PAPPA2: variants seen among roughly 807,000 people sequenced by gnomAD.
The protein encoded by PAPPA2 is pappalysin 2, also known as pappalysin-2.
A neutral mutation model predicts 176.4 loss-of-function variants in PAPPA2; 86 were observed. The observed-to-expected ratio is 0.49, with a 90% CI of 0.41 to 0.58. The LOEUF is 0.58. PAPPA2 is among the 20% of genes least tolerant of loss of function. The pLI, the probability that PAPPA2 is intolerant of heterozygous loss-of-function variation, is 0.00. For synonymous variants in PAPPA2, 809 were observed against 852.2 expected (o/e 0.95, Z 0.88); for missense variants, 2,073 against 2,256.9 (o/e 0.92, Z 1.65).
chr1:176,650,351 C>CT (rs201127455), intron 3 of PAPPA2, among the ~76,000 whole-genome samples: 55 of 145,456 alleles, frequency 3.8e-4, no homozygotes, highest in Middle Eastern at 3.6e-3. Flanking sequence ...CACTGTATGT[C>CT]TTTTTTTTTT....
chr1:176,721,117 C>T (rs1001469082), intron 12 of PAPPA2, among the ~76,000 whole-genome samples: 3 of 152,148 alleles, frequency 2.0e-5, no homozygotes, highest in Non-Finnish European at 4.4e-5. Flanking sequence ...AATGCTTTAC[C>T]AGCCATCAAG....
chr1:176,711,870 C>T lies in PAPPA2; in HGVS notation c.3687C>T (p.His1229=), dbSNP rs764064118. The T allele has an allele frequency of 3.1e-6, 5 of 1,612,530 alleles. No homozygotes were observed. The highest frequency in any genetic ancestry group is 2.7e-5 in the African/African-American group (2 of 75,004). ...CTSYHPDLPN[H]RPLTGWFPCV... ...CATACCATCCAGATTTACCCAACCA[C>T]CGTCCCCTAACTGGCTGGTTTCCCT... is the stretch of plus-strand genomic sequence containing the variant. Residue 1229 remains histidine, a synonymous_variant, in exon 12 of 23, where the codon CAC becomes CAT. Coordinates refer to ENST00000367662, the MANE Select transcript of PAPPA2 (RefSeq NM_020318.3).
intron 1 of PAPPA2, among the ~76,000 whole-genome samples, chr1:176,519,071 T>C (rs978746809): frequency 4.6e-5 from 7 of 152,146 alleles, no homozygotes; most frequent in Non-Finnish European, 8.8e-5. Context: ...ATGAGGAAGA[T>C]GGTAAAAGTC....
At chr1:176,764,285 C>G (rs138964548) in intron 14 of PAPPA2, among the ~76,000 whole-genome samples, 2 of 152,262 alleles carry the variant, frequency 1.3e-5, no homozygotes, top group African/African-American at 4.8e-5. Context: ...GAAATCTCAA[C>G]AAATTGAGCA....
chr1:176,689,751 T>A (rs1660015424), intron 4 of PAPPA2, among the ~76,000 whole-genome samples: 1 of 152,174 alleles, frequency 6.6e-6, no homozygotes, highest in South Asian at 2.1e-4. Flanking sequence ...TTTTTAAAAA[T>A]GTCGTTTTGT....
In PAPPA2 at chr1:176,517,419, T is replaced by A. The variant is rs1159622641; in HGVS notation, c.-916-37988T>A. Among the ~76,000 whole-genome samples the A allele has an allele frequency of 2.0e-5, 3 of 152,222 alleles. No individual in the cohort carries two copies. In the East Asian group the frequency reaches 5.8e-4, roughly 29 times the overall value. On this transcript the variant is annotated intron_variant, in intron 1 of 22. Transcript: ENST00000367662. ...GGCCATTACCTCAGCAACGTCAATG[T>A]CTTTTAATAAATGAATATATACATT...
chr1:176,651,453 C>G (rs1032805238), intron 3 of PAPPA2, among the ~76,000 whole-genome samples: 5 of 151,544 alleles, frequency 3.3e-5, no homozygotes, highest in African/African-American at 4.8e-5. Flanking sequence ...ATGTCCCACT[C>G]CTTCCTGATC....
intron 11 of PAPPA2, 77 bp downstream of exon 11, chr1:176,710,253 C>T: frequency 7.8e-7 from 1 of 1,277,884 alleles, no homozygotes. Flanking sequence ...CACTTGGGGT[C>T]TATGTTTGGA....
At chr1:176,638,614 T>C (rs1482871983) in intron 3 of PAPPA2, among the ~76,000 whole-genome samples, 1 of 152,010 alleles carries the variant, frequency 6.6e-6, no homozygotes, top group African/African-American at 2.4e-5. Flanking sequence ...TGAACCCTCC[T>C]TCATGGCGCA....
intron 3 of PAPPA2, among the ~76,000 whole-genome samples, chr1:176,641,675 T>G (rs2102728387): frequency 6.6e-6 from 1 of 152,044 alleles, no homozygotes; most frequent in Admixed American, 6.6e-5. Context: ...GGTCTCAGGA[T>G]TTTTAATAAT....
chr1:176,564,592 A>G (rs547346180), intron 2 of PAPPA2, among the ~76,000 whole-genome samples: 1 of 152,318 alleles, frequency 6.6e-6, no homozygotes, highest in Admixed American at 6.5e-5. Flanking sequence ...CTGTGGCACT[A>G]TCAGTGGTGG....
intron 1 of PAPPA2, among the ~76,000 whole-genome samples, chr1:176,546,888 G>A (rs984338186): frequency 6.6e-6 from 1 of 152,096 alleles, no homozygotes; most frequent in Admixed American, 6.5e-5. Flanking sequence ...TCAAATTTTA[G>A]TATTTATTTT....
chr1:176,467,060 G>T (rs1014621943), intron 1 of PAPPA2, among the ~76,000 whole-genome samples: 5 of 152,070 alleles, frequency 3.3e-5, no homozygotes, highest in African/African-American at 7.2e-5. Flanking sequence ...ACATCACAGG[G>T]TGCAGTTACA....
At chr1:176,760,304 T>C (rs1390693622) in intron 14 of PAPPA2, among the ~76,000 whole-genome samples, 2 of 152,250 alleles carry the variant, frequency 1.3e-5, no homozygotes, top group East Asian at 3.8e-4. Context: ...TTTTTGATAA[T>C]TTGAGTTTAA....
intron 1 of PAPPA2, among the ~76,000 whole-genome samples, chr1:176,541,161 T>C (rs1340364096): frequency 3.3e-5 from 5 of 152,216 alleles, no homozygotes; most frequent in South Asian, 2.1e-4. Flanking sequence ...TCTATACATC[T>C]GTGTATATAT....
chr1:176,529,912 T>TC (rs1412303863), intron 1 of PAPPA2, among the ~76,000 whole-genome samples: 2 of 152,158 alleles, frequency 1.3e-5, no homozygotes, highest in African/African-American at 2.4e-5. Context: ...AAAGAGTTTT[T>TC]CTCCTCTAAT....
chr1:176,569,351 C>T (rs771069655), intron 2 of PAPPA2, among the ~76,000 whole-genome samples: 4 of 152,324 alleles, frequency 2.6e-5, no homozygotes, highest in Non-Finnish European at 4.4e-5. Context: ...AACCACTCCC[C>T]GAAACCACAT....
intron 1 of PAPPA2, among the ~76,000 whole-genome samples, chr1:176,544,802 T>G (rs1270657198): frequency 1.3e-5 from 2 of 152,174 alleles, no homozygotes; most frequent in African/African-American, 4.8e-5. Flanking sequence ...TAAACCTCCC[T>G]CTTTAGGTTC....
chr1:176,788,985 C>T (rs1411244957), intron 17 of PAPPA2, among the ~76,000 whole-genome samples: 2 of 152,176 alleles, frequency 1.3e-5, no homozygotes, highest in Non-Finnish European at 2.9e-5. Flanking sequence ...ATCCTCAAAT[C>T]ACTTCTGATC....
Sources: gnomAD v4.1 joint callset for allele counts (sites outside exome capture counted in the v4.1 genomes callset) on GRCh38, gnomAD v4.1.1 for gene constraint, MANE v1.5 for transcripts, NCBI Gene and HGNC (gene_info 2026-07-23, HGNC 2026-07-21) for gene names.